Variants in ELF2 observed in about 807,000 individuals in gnomAD.
The protein encoded by ELF2 is E74 like ETS transcription factor 2.
ELF2 carries 11 observed loss-of-function variants against 54.8 expected under a neutral mutation model. The observed-to-expected ratio is 0.20, with a 90% confidence interval of 0.13 to 0.33. The LOEUF (loss-of-function observed/expected upper bound fraction) is 0.33. Ranked by LOEUF, ELF2 falls within the 10% of genes least tolerant of loss-of-function variation. The pLI is 1.00. For synonymous variants in ELF2, 203 were observed against 245.1 expected, an observed-to-expected ratio of 0.83 and a Z score of 1.61; for missense variants, 513 against 703.0, an observed-to-expected ratio of 0.73 and a Z score of 3.06.
chr4:139,155,691 C>T (rs958625857), intron 1 of ELF2, among the ~76,000 whole-genome samples: 41 of 152,252 alleles, frequency 2.7e-4, no homozygotes, highest in African/African-American at 9.6e-4. Context: ...AACATTAACA[C>T]AGCATTTTAC....
chr4:139,076,668 G>GT (rs756033561), intron 4 of ELF2, among the ~76,000 whole-genome samples: 1 of 151,888 alleles, frequency 6.6e-6, no homozygotes, highest in African/African-American at 2.4e-5. Flanking sequence ...AATTTTACCA[G>GT]TTTTTTTAAT....
chr4:139,092,286 G>A (rs1000329777), intron 4 of ELF2, among the ~76,000 whole-genome samples: 2 of 151,582 alleles, frequency 1.3e-5, no homozygotes, highest in South Asian at 2.1e-4. Flanking sequence ...TTTTGAACCC[G>A]GGAGGCAGAG....
chr4:139,136,370 T>C (rs114713823), intron 3 of ELF2, among the ~76,000 whole-genome samples: 1,711 of 152,066 alleles, frequency 0.011, 13 homozygotes, highest in Non-Finnish European at 0.016. Flanking sequence ...CCCAGTGAAT[T>C]TGCCCATAGC....
intron 1 of ELF2, among the ~76,000 whole-genome samples, chr4:139,150,167 C>T (rs1578930893): frequency 6.6e-6 from 1 of 152,062 alleles, no homozygotes; most frequent in East Asian, 1.9e-4. Flanking sequence ...TGGCAAAACC[C>T]CTAAAAATAC....
At chr4:139,149,017 AAAAC>A (rs1305099316) in intron 1 of ELF2, among the ~76,000 whole-genome samples, 1 of 152,232 alleles carries the variant, frequency 6.6e-6, no homozygotes, top group Non-Finnish European at 1.5e-5. Context: ...CCAAGACTCA[AAAAC>A]AAGATATTTT....
intron 4 of ELF2, among the ~76,000 whole-genome samples, chr4:139,118,512 A>C (rs1307183330): frequency 1.3e-5 from 2 of 152,218 alleles, no homozygotes; most frequent in African/African-American, 4.8e-5. Context: ...TAAGGCAGCC[A>C]GATTATGAAG....
At chr4:139,084,453 C>CGGCGGCGGCTGTGGCTGT (rs918008387) in intron 4 of ELF2, 2 of 1,151,608 alleles carry the variant, frequency 1.7e-6, no homozygotes, top group Admixed American at 4.8e-5. Context: ...GCGGCGGCGG[C>CGGCGGCGGCTGTGGCTGT]GGCGGCGGCT....
At chr4:139,148,365 T>C (rs1453461167) in intron 1 of ELF2, among the ~76,000 whole-genome samples, 2 of 135,080 alleles carry the variant, frequency 1.5e-5, no homozygotes, top group Admixed American at 8.1e-5. Context: ...CAGGGCTTCA[T>C]TATGTTGCCC....
chr4:139,106,891 G>A (rs907788329), intron 4 of ELF2, among the ~76,000 whole-genome samples: 2 of 151,548 alleles, frequency 1.3e-5, no homozygotes, highest in African/African-American at 4.8e-5. Context: ...TTACAGGCAT[G>A]CGCCACCATG....
At chr4:139,157,593 T>C (rs972700326) in intron 1 of ELF2, among the ~76,000 whole-genome samples, 1 of 152,088 alleles carries the variant, frequency 6.6e-6, no homozygotes, top group Admixed American at 6.5e-5. Context: ...TTTGCAGAGA[T>C]AGGGTCTCAT....
At chr4:139,115,250 C>T in intron 4 of ELF2, 1 of 1,609,314 alleles carries the variant, frequency 6.2e-7, no homozygotes, top group Non-Finnish European at 8.5e-7. Context: ...TCCGCGCCGC[C>T]CGGGCCCTCT....
At chr4:139,073,032 G>A (rs2148698111) in intron 5 of ELF2, among the ~76,000 whole-genome samples, 2 of 152,276 alleles carry the variant, frequency 1.3e-5, no homozygotes, top group East Asian at 3.9e-4. Flanking sequence ...TGAAAAAAAT[G>A]TCAAAAGCTC....
At chr4:139,073,424 G>A (rs775462879) in intron 5 of ELF2, 30 bp downstream of exon 5, 113 of 1,487,762 alleles carry the variant, frequency 7.6e-5, no homozygotes, top group Non-Finnish European at 9.5e-5. Flanking sequence ...AGTATGACAC[G>A]TTTAACATAA....
At chr4:139,169,025 C>G (rs956543736) in intron 1 of ELF2, among the ~76,000 whole-genome samples, 1 of 152,114 alleles carries the variant, frequency 6.6e-6, no homozygotes. Flanking sequence ...AACTATTGCC[C>G]GGGCATGGTG....
intron 4 of ELF2, among the ~76,000 whole-genome samples, chr4:139,082,574 T>A (rs768233856): frequency 1.3e-5 from 2 of 152,248 alleles, no homozygotes; most frequent in South Asian, 2.1e-4. Context: ...TTTCAGACTT[T>A]GAACCTAGAG....
chr4:139,069,830 G>A (rs555777507), intron 6 of ELF2, among the ~76,000 whole-genome samples: 90 of 151,310 alleles, frequency 5.9e-4, no homozygotes, highest in Middle Eastern at 6.8e-3. Context: ...AGTAAGTACA[G>A]ACAGAATGGT....
intron 1 of ELF2, among the ~76,000 whole-genome samples, chr4:139,161,696 C>A (rs1445099797): frequency 6.9e-6 from 1 of 144,008 alleles, no homozygotes; most frequent in Non-Finnish European, 1.5e-5. Context: ...GTAGGCCGGG[C>A]GCGGTGGCTC....
At chr4:139,149,501 C>T (rs2148881281) in intron 1 of ELF2, among the ~76,000 whole-genome samples, 2 of 152,214 alleles carry the variant, frequency 1.3e-5, no homozygotes, top group Middle Eastern at 6.8e-3. Flanking sequence ...GTGGTCCCAG[C>T]TACTTGAGAG....
chr4:139,079,226 G>A (rs1730754841), intron 4 of ELF2, among the ~76,000 whole-genome samples: 1 of 151,854 alleles, frequency 6.6e-6, no homozygotes, highest in Non-Finnish European at 1.5e-5. Context: ...CACCATGCCT[G>A]GCCAAAAATA....
Sources: allele counts gnomAD v4.1 joint callset (sites outside exome capture counted in the v4.1 genomes callset), GRCh38; gene constraint gnomAD v4.1.1; transcripts MANE v1.5; gene names NCBI Gene and HGNC (gene_info 2026-07-23, HGNC 2026-07-21).